The following MEIS1 variants were observed in gnomAD, a reference collection of about 807,000 sequenced individuals.
MEIS1 encodes the protein Meis homeobox 1.
In MEIS1, 5 loss-of-function variants were observed where a neutral mutation model predicts 50.8. The observed-to-expected ratio is 0.10, with a 90% CI of 0.05 to 0.21. The LOEUF is 0.21. Ranked by LOEUF, MEIS1 falls within the 10% of genes least tolerant of loss-of-function variation. The pLI is 1.00. For missense variants in MEIS1, 318 were observed against 517.3 expected, an observed-to-expected ratio of 0.61 and a Z score of 3.74; for synonymous variants, 176 against 179.3, an observed-to-expected ratio of 0.98 and a Z score of 0.15.
intron 3 of MEIS1, 136 bp downstream of exon 3, chr2:66,440,120 T>G: frequency 1.2e-6 from 1 of 858,748 alleles, no homozygotes; most frequent in Non-Finnish European, 1.7e-6. Flanking sequence ...AGCCAGCACG[T>G]AGTCGGCCTT....
At chr2:66,547,868 C>A in intron 8 of MEIS1, 75 bp from the exon 9 acceptor site, 3 of 1,410,270 alleles carry the variant, frequency 2.1e-6, no homozygotes, top group East Asian at 2.3e-5. Flanking sequence ...TTATAGACTT[C>A]ATGAGACACT....
intron 8 of MEIS1, among the ~76,000 whole-genome samples, chr2:66,523,600 A>G (rs1427477652): frequency 6.6e-6 from 1 of 152,246 alleles, no homozygotes; most frequent in African/African-American, 2.4e-5. Context: ...TGAAGTGAAT[A>G]TGCTCAACAG....
intron 9 of MEIS1, among the ~76,000 whole-genome samples, chr2:66,553,292 TAAAA>T (rs1460304296): frequency 6.6e-6 from 1 of 152,136 alleles, no homozygotes; most frequent in African/African-American, 2.4e-5. Flanking sequence ...TGCGGTATAT[TAAAA>T]AGAAAAAGGA....
At chr2:66,548,688 A>G (rs1674849628) in intron 9 of MEIS1, among the ~76,000 whole-genome samples, 1 of 152,198 alleles carries the variant, frequency 6.6e-6, no homozygotes. Flanking sequence ...AGTATGATTT[A>G]TTACCCTTTG....
At chr2:66,481,163 T>C (rs527866488) in intron 7 of MEIS1, among the ~76,000 whole-genome samples, 126 of 152,316 alleles carry the variant, frequency 8.3e-4, no homozygotes, top group Middle Eastern at 3.4e-3. Flanking sequence ...TCCTTTTGGC[T>C]GCATGAGCAG....
intron 12 of MEIS1, chr2:66,571,026 A>T: frequency 3.8e-6 from 2 of 531,440 alleles, no homozygotes; most frequent in Admixed American, 7.7e-5. Flanking sequence ...GGCGGACCTG[A>T]TAACAGTGAC....
In MEIS1 at chr2:66,441,447, C is replaced by G. The variant is rs983953932; in HGVS notation, c.466C>G (p.Leu156Val). The G allele has an allele frequency of 1.3e-6, 2 of 1,551,476 alleles. No individual in the cohort carries two copies. The highest frequency in any genetic ancestry group is 2.0e-5 in the Admixed American group (1 of 49,410). ...IQAIQVLRFH[L>V]LELEKVHELC... ...AGCCATACAAGTATTAAGGTTTCAT[C>G]TATTGGAATTAGAGAAGGTAATTTC... The change falls in exon 5 of 13, where the codon CTA becomes GTA. Residue 156 changes from leucine to valine, a missense_variant. Physicochemically the swap from Leu to Val is conservative, Grantham distance 32. Coordinates refer to ENST00000272369, the MANE Select transcript of MEIS1 (RefSeq NM_002398.3).
At chr2:66,557,025 T>C (rs1180324962) in intron 9 of MEIS1, among the ~76,000 whole-genome samples, 1 of 152,160 alleles carries the variant, frequency 6.6e-6, no homozygotes, top group African/African-American at 2.4e-5. Context: ...AATTTTGTTT[T>C]TAGTCATGCT....
intron 8 of MEIS1, among the ~76,000 whole-genome samples, chr2:66,531,335 A>T (rs1338214649): frequency 1.3e-5 from 2 of 152,244 alleles, no homozygotes; most frequent in Non-Finnish European, 2.9e-5. Flanking sequence ...AAGAACAGTT[A>T]GCTCAGTGTG....
chr2:66,529,247 C>T (rs1238051776), intron 8 of MEIS1, among the ~76,000 whole-genome samples: 1 of 152,096 alleles, frequency 6.6e-6, no homozygotes, highest in African/African-American at 2.4e-5. Flanking sequence ...AGGATTTAAT[C>T]TTTGCTCTGT....
intron 8 of MEIS1, among the ~76,000 whole-genome samples, chr2:66,514,807 T>C (rs1201788397): frequency 6.6e-6 from 1 of 152,188 alleles, no homozygotes; most frequent in African/African-American, 2.4e-5. Flanking sequence ...CAAGAGCAAA[T>C]AGACCTCCAG....
intron 9 of MEIS1, among the ~76,000 whole-genome samples, chr2:66,559,309 T>C (rs1675153113): frequency 6.6e-6 from 1 of 152,222 alleles, no homozygotes. Flanking sequence ...GCATCCCACT[T>C]TCCTGGGAGG....
chr2:66,501,603 T>C (rs1223598164), intron 7 of MEIS1, among the ~76,000 whole-genome samples: 4 of 151,812 alleles, frequency 2.6e-5, no homozygotes, highest in Admixed American at 2.6e-4. Flanking sequence ...AATATTGAAT[T>C]ACTAGGAAAA....
At chr2:66,441,517 A>C in intron 5 of MEIS1, 53 bp downstream of exon 5, 1 of 1,380,848 alleles carries the variant, frequency 7.2e-7, no homozygotes, top group Non-Finnish European at 9.7e-7. Context: ...CCAAACACAC[A>C]GGGGGGAGGG....
intron 7 of MEIS1, among the ~76,000 whole-genome samples, chr2:66,474,703 G>T (rs1189515763): frequency 6.6e-6 from 1 of 152,088 alleles, no homozygotes; most frequent in Non-Finnish European, 1.5e-5. Flanking sequence ...TTCCATAATT[G>T]CTTAACCTAA....
At chr2:66,460,686 TC>T (rs1005816994) in intron 6 of MEIS1, among the ~76,000 whole-genome samples, 16 of 152,194 alleles carry the variant, frequency 1.1e-4, no homozygotes, top group African/African-American at 3.9e-4. Flanking sequence ...GAGTGTACAT[TC>T]AGTGATCTTT....
chr2:66,461,066 C>A (rs1672506886), intron 6 of MEIS1, among the ~76,000 whole-genome samples: 1 of 152,122 alleles, frequency 6.6e-6, no homozygotes, highest in Non-Finnish European at 1.5e-5. Flanking sequence ...CTCTTTGGGA[C>A]TTAATTTAAA....
At chr2:66,460,739 TTTGTTG>T (rs533926214) in intron 6 of MEIS1, among the ~76,000 whole-genome samples, 62 of 151,842 alleles carry the variant, frequency 4.1e-4, no homozygotes, top group African/African-American at 1.2e-3. Flanking sequence ...CAACAACTTC[TTTGTTG>T]TTGTTGTTGT....
chr2:66,460,420 C>T (rs866610533), intron 6 of MEIS1, among the ~76,000 whole-genome samples: 42 of 151,856 alleles, frequency 2.8e-4, no homozygotes, highest in African/African-American at 9.4e-4. Context: ...TCTTAAGAAA[C>T]GATAGAAGAA....
Sources: allele counts gnomAD v4.1 joint callset (sites outside exome capture counted in the v4.1 genomes callset), GRCh38; gene constraint gnomAD v4.1.1; transcripts MANE v1.5; gene names NCBI Gene and HGNC (gene_info 2026-07-23, HGNC 2026-07-21).